ADA2: variants seen among roughly 807,000 people sequenced by gnomAD.
ADA2 encodes the protein adenosine deaminase 2, also known as adenosine deaminase CECR1.
ADA2 carries 29 observed loss-of-function variants against 44.2 expected under a neutral mutation model. The observed-to-expected ratio is 0.66, with a 90% CI of 0.49 to 0.89. The LOEUF is 0.89. Ranked by LOEUF, ADA2 falls within the 40% of genes least tolerant of loss-of-function variation. The pLI, the probability that ADA2 is intolerant of heterozygous loss-of-function variation, is 0.00. For synonymous variants in ADA2, 215 were observed against 234.9 expected, an observed-to-expected ratio of 0.92 and a Z score of 0.77; for missense variants, 637 against 644.8, an observed-to-expected ratio of 0.99 and a Z score of 0.13.
intron 4 of ADA2, among the ~76,000 whole-genome samples, chr22:17,201,274 C>T (rs866838287): frequency 2.0e-5 from 3 of 151,908 alleles, no homozygotes; most frequent in African/African-American, 4.8e-5. Flanking sequence ...GTGTCTGGTC[C>T]GAATGATAAC....
rs775078674 is a variant in ADA2 at position 17,181,566 on chromosome 22, G to T, written c.1453C>A (p.Leu485Met). ...AAAGTATTTTTCTCACTCTCCAACA[G>T]GGTACTGTACCTGCAGGAAGAGGAG... ...LAMNSIKYST[L>M]LESEKNTFME... The change falls in exon 10 of 10, where the codon CTG (leucine) becomes ATG (methionine). Residue 485 changes from leucine to methionine, a missense_variant. Transcript: ENST00000399837. 5.6e-6 allele frequency: 9 copies of T among 1,610,436 alleles called. No homozygotes were observed. Among genetic ancestry groups the T allele is most frequent in the South Asian group, 1.1e-5 (1 of 90,968 alleles).
At chr22:17,216,822 G>T (rs1415023796) in intron 1 of ADA2, among the ~76,000 whole-genome samples, 1 of 148,014 alleles carries the variant, frequency 6.8e-6, no homozygotes, top group African/African-American at 2.5e-5. Flanking sequence ...AAATAAAATG[G>T]ATTAAAGTTA....
chr22:17,213,530 A>G (rs1379768599), intron 1 of ADA2: 2 of 291,076 alleles, frequency 6.9e-6, no homozygotes, highest in African/African-American at 4.6e-5. Flanking sequence ...ACGAGCAGGT[A>G]CAAAAAGGAC....
At chr22:17,212,055 G>A (rs921226844) in intron 1 of ADA2, among the ~76,000 whole-genome samples, 30 of 150,974 alleles carry the variant, frequency 2.0e-4, no homozygotes, top group African/African-American at 6.8e-4. Flanking sequence ...ACGGAGTTTC[G>A]CTCTTGTCAA....
At position 17,199,694 on chromosome 22, in the gene ADA2, TAGG is replaced by T. The variant is rs35963312; in HGVS notation, c.753+3866_753+3868del. 0.12 allele frequency: 192,635 copies of T among 1,576,294 alleles called. 14,428 individuals carry two copies. Among genetic ancestry groups the T allele is most frequent in the East Asian group, 0.31 (13,303 of 42,414 alleles). ...AGCGCGGTGAGGAAAGCGACGAACT[TAGG>T]AGCCCTGGTCTGGGTCCAGCCACCC... On this transcript the variant is annotated intron_variant, in intron 4 of 9. Coordinates refer to ENST00000399837, the MANE Select transcript of ADA2 (RefSeq NM_001282225.2).
chr22:17,212,354 TC>T (rs1367239480), intron 1 of ADA2, among the ~76,000 whole-genome samples: 1 of 151,744 alleles, frequency 6.6e-6, no homozygotes, highest in East Asian at 1.9e-4. Flanking sequence ...AATCTCCGTC[TC>T]CCTGGTCCAA....
chr22:17,202,464 G>C (rs1300643184), intron 4 of ADA2, among the ~76,000 whole-genome samples: 1 of 151,980 alleles, frequency 6.6e-6, no homozygotes, highest in Non-Finnish European at 1.5e-5. Flanking sequence ...ATGGAATTTC[G>C]CCATGTTGAC....
At chr22:17,188,095 A>G (rs1296222661) in intron 7 of ADA2, among the ~76,000 whole-genome samples, 1 of 102,796 alleles carries the variant, frequency 9.7e-6, no homozygotes. Flanking sequence ...AAAAAAAAGA[A>G]GAAGAAGAAA....
chr22:17,189,657 A>C, intron 6 of ADA2: 3 of 371,664 alleles, frequency 8.1e-6, no homozygotes, highest in Non-Finnish European at 1.5e-5. Context: ...CTGTGGTCCA[A>C]ACTCCCTGAA....
chr22:17,210,274 T>C (rs550297709), intron 1 of ADA2, among the ~76,000 whole-genome samples: 15 of 149,756 alleles, frequency 1.0e-4, no homozygotes, highest in South Asian at 8.5e-4. Flanking sequence ...CACTGCAACC[T>C]CCGCCTCCCG....
chr22:17,218,341 A>T (rs1463294345), intron 1 of ADA2, among the ~76,000 whole-genome samples: 2 of 152,208 alleles, frequency 1.3e-5, no homozygotes, highest in African/African-American at 4.8e-5. Flanking sequence ...GAAAATTTTA[A>T]GAAGGAACTA....
At chr22:17,188,089 AAAAG>A (rs971679645) in intron 7 of ADA2, among the ~76,000 whole-genome samples, 1 of 102,368 alleles carries the variant, frequency 9.8e-6, no homozygotes, top group Non-Finnish European at 2.1e-5. Context: ...AAAAGAAAAA[AAAAG>A]AAGAAGAAGA....
At chr22:17,213,234 C>T (rs2062435831) in intron 1 of ADA2, among the ~76,000 whole-genome samples, 1 of 152,128 alleles carries the variant, frequency 6.6e-6, no homozygotes, top group Non-Finnish European at 1.5e-5. Flanking sequence ...CCTTACACCA[C>T]TGGTGGGAGT....
At chr22:17,182,784 C>A (rs769654299) in intron 7 of ADA2, 23 bp from the exon 8 acceptor site, 1 of 1,546,328 alleles carries the variant, frequency 6.5e-7, no homozygotes, top group East Asian at 2.2e-5. Context: ...GAATGGTCTT[C>A]CATGGGGGAT....
chr22:17,218,066 T>A (rs1279116304), intron 1 of ADA2, among the ~76,000 whole-genome samples: 1 of 152,174 alleles, frequency 6.6e-6, no homozygotes, highest in East Asian at 1.9e-4. Flanking sequence ...ATATCATCAG[T>A]GGCATAAATA....
intron 4 of ADA2, among the ~76,000 whole-genome samples, chr22:17,201,761 A>G (rs1051043666): frequency 6.6e-6 from 1 of 152,116 alleles, no homozygotes; most frequent in African/African-American, 2.4e-5. Flanking sequence ...GCTCTCCTCG[A>G]AAGATCCCTC....
intron 3 of ADA2, among the ~76,000 whole-genome samples, chr22:17,204,619 A>AAAG (rs200501653): frequency 4.6e-5 from 7 of 151,710 alleles, no homozygotes; most frequent in South Asian, 2.1e-4. Context: ...AAAAAAAAAA[A>AAAG]AAGAAGAAGA....
At chr22:17,211,614 C>A (rs12167416) in intron 1 of ADA2, among the ~76,000 whole-genome samples, 8,101 of 151,836 alleles carry the variant, frequency 0.053, 320 homozygotes, top group African/African-American at 0.11. Context: ...ACCTGGGTAA[C>A]AATGTCATAT....
chr22:17,215,796 G>C (rs2062465123), intron 1 of ADA2, among the ~76,000 whole-genome samples: 1 of 151,954 alleles, frequency 6.6e-6, no homozygotes, highest in Non-Finnish European at 1.5e-5. Context: ...GACTATGAAG[G>C]GTTGGGGTAG....
Sources: gnomAD v4.1 joint callset for allele counts (sites outside exome capture counted in the v4.1 genomes callset) on GRCh38, gnomAD v4.1.1 for gene constraint, MANE v1.5 for transcripts, NCBI Gene and HGNC (gene_info 2026-07-23, HGNC 2026-07-21) for gene names.